The following PSMB6 variants were observed in gnomAD, a reference collection of about 807,000 sequenced individuals.
The protein encoded by PSMB6 is proteasome subunit beta type-6.
PSMB6 carries 11 observed loss-of-function variants against 28.2 expected under a neutral mutation model. That is an observed-to-expected ratio of 0.39 (90% CI 0.25 to 0.65). The LOEUF (loss-of-function observed/expected upper bound fraction) is 0.65. Ranked by LOEUF, PSMB6 falls within the 30% of genes least tolerant of loss-of-function variation. The probability of loss-of-function intolerance (pLI) is 0.48; values close to 1 mark genes in which losing one functional copy is unlikely to be tolerated. For missense variants in PSMB6, 268 were observed against 319.4 expected, an observed-to-expected ratio of 0.84 and a Z score of 1.23; for synonymous variants, 126 against 117.7, an observed-to-expected ratio of 1.07 and a Z score of -0.45.
In PSMB6 at chr17:4,796,264, C is replaced by G; in HGVS notation, c.70C>G (p.Pro24Ala). The change falls in exon 1 of 6, where the codon CCA (proline) becomes GCA (alanine). Residue 24 changes from proline to alanine, a missense_variant. Pro to Ala is a conservative substitution (Grantham distance 27). Transcript: ENST00000270586. ...GGCTTGGGGGCCGGAGGCGTTCACT[C>G]CAGACTGGGAAAGCCGAGAAGTTTC... ...APAWGPEAFTPDWESREVSTG... is the reference protein window; with the variant it reads ...APAWGPEAFTADWESREVSTG... The G allele has an allele frequency of 6.3e-7, 1 of 1,586,656 alleles. No homozygotes were observed. Among genetic ancestry groups the G allele is most frequent in the Non-Finnish European group, 8.6e-7 (1 of 1,166,374 alleles).
chr17:4,796,222 G>A lies in PSMB6; in HGVS notation c.28G>A (p.Gly10Arg). 1 of 1,593,032 alleles carries A rather than the reference G, an allele frequency of 6.3e-7. No homozygotes were observed. The change falls in exon 1 of 6, where the codon GGA becomes AGA. Residue 10 changes from glycine to arginine, a missense_variant. Transcript: ENST00000270586. ...GGCGGCTACCTTACTAGCTGCTCGGGGAGCCGGGCCAGCACCGGCTTGGGG... is the reference window on the plus strand; with the variant it reads ...GGCGGCTACCTTACTAGCTGCTCGGAGAGCCGGGCCAGCACCGGCTTGGGG... MAATLLAARGAGPAPAWGPE... is the reference protein window; with the variant it reads MAATLLAARRAGPAPAWGPE...
rs1306845904 is a variant in PSMB6 at position 4,796,164 on chromosome 17, A to T, written c.-31A>T. ...AGAGCGTGACAGAGCGCTTTACGAC[A>T]GTTGCTTTGAGGCAGTACCGGAGGA... On this transcript the variant is annotated 5_prime_UTR_variant, in exon 1 of 6. Transcript: ENST00000270586. 3 of 1,547,788 alleles carry T rather than the reference A, an allele frequency of 1.9e-6. No individual in the cohort carries two copies.
rs1174913831 is a variant in PSMB6 at position 4,798,434 on chromosome 17, C to CT, written c.*13dup. 1.2e-6 allele frequency: 2 copies of CT among 1,613,294 alleles called. No homozygotes were observed. Among genetic ancestry groups the CT allele is most frequent in the African/African-American group, 2.7e-5 (2 of 74,872 alleles). On this transcript the variant is annotated 3_prime_UTR_variant, in exon 6 of 6. Coordinates refer to ENST00000270586, the MANE Select transcript of PSMB6 (RefSeq NM_002798.3). Reference sequence around the variant, plus strand: ...TACCACCCGCCTGAATCCTGGGATTCTAGTATGCAATAAGAGATGCCCTGT... The same window carrying CT: ...TACCACCCGCCTGAATCCTGGGATTCTTAGTATGCAATAAGAGATGCCCTGT...
At chr17:4,797,605 G>A (rs1415825154) in intron 3 of PSMB6, 36 bp downstream of exon 3, 8 of 1,596,606 alleles carry the variant, frequency 5.0e-6, no homozygotes, top group Middle Eastern at 1.7e-4. Context: ...GTATCTGAAG[G>A]GAGTTGGAAG....
intron 4 of PSMB6, 47 bp from the exon 5 acceptor site, chr17:4,797,962 G>T (rs1905395003): frequency 1.2e-6 from 2 of 1,611,990 alleles, no homozygotes; most frequent in Non-Finnish European, 1.7e-6. Flanking sequence ...ATGTACGTGT[G>T]TTGGAGGGAG....
Position 4,796,790 on chromosome 17 carries a change from C to T in PSMB6, c.165C>T (p.Thr55=). The part of the protein sequence containing the change: ...GVVLGADSRT[T]TGSYIANRVT... ...TTCTGGGGGCGGACTCCAGAACAACCACTGGGTGAGCTCAGGACAGATTTG... is the reference window on the plus strand; with the variant it reads ...TTCTGGGGGCGGACTCCAGAACAACTACTGGGTGAGCTCAGGACAGATTTG... The change falls in exon 2 of 6, where the codon ACC becomes ACT. Residue 55 remains threonine (T), a synonymous_variant. Transcript: ENST00000270586. The T allele has an allele frequency of 6.3e-7, 1 of 1,598,074 alleles. No individual in the cohort carries two copies. Among genetic ancestry groups the T allele is most frequent in the Non-Finnish European group, 8.6e-7 (1 of 1,165,482 alleles).
At chr17:4,797,917 A>C in intron 4 of PSMB6, 92 bp from the exon 5 acceptor site, 1 of 1,602,324 alleles carries the variant, frequency 6.2e-7, no homozygotes, top group South Asian at 1.1e-5. Context: ...CTTACTATTA[A>C]CGTGCCTCAG....
In PSMB6 at chr17:4,796,706, ACTC is replaced by A. The variant is rs1905339623; in HGVS notation, c.103-19_103-17del. 6.4e-7 allele frequency: 1 copy of A among 1,562,864 alleles called. No individual in the cohort carries two copies. The highest frequency in any genetic ancestry group is 1.4e-5 in the African/African-American group (1 of 73,308). On this transcript the variant is annotated intron_variant, in intron 1 of 5. Transcript: ENST00000270586. ...TGTGTCTGCTGGAGAATGTAGACTT[ACTC>A]CTTTTTCCCTTTTCCCAGACCACTA...
chr17:4,798,028 G>A lies in PSMB6; in HGVS notation c.452G>A (p.Gly151Glu). The change falls in exon 5 of 6, where the codon GGG becomes GAG. Residue 151 changes from glycine to glutamate, a missense_variant. Physicochemically the swap from Gly to Glu is moderately conservative, Grantham distance 98. Transcript: ENST00000270586. ...TGGCAGGTGTACTCAGTGCCTATGG[G>A]GGGTATGATGGTAAGGCAGTCCTTT... ...EGGQVYSVPM[G>E]GMMVRQSFAI... The A allele has an allele frequency of 1.2e-6, 2 of 1,614,164 alleles. No individual in the cohort carries two copies. The highest frequency in any genetic ancestry group is 1.7e-6 in the Non-Finnish European group (2 of 1,180,022).
chr17:4,796,677 G>C (rs755710863), intron 1 of PSMB6, 51 bp from the exon 2 acceptor site: 1 of 1,473,028 alleles, frequency 6.8e-7, no homozygotes, highest in South Asian at 1.1e-5. Flanking sequence ...AGATCATTGA[G>C]GTTTGTGTCT....
chr17:4,798,126 G>C lies in PSMB6; in HGVS notation c.550G>C (p.Glu184Gln). ...DATYREGMTK[E>Q]ECLQFTANAL... ...TACCTACCGGGAAGGCATGACCAAG[G>C]AAGAGTGTCTGCAATTCACTGCCAA... The change falls in exon 5 of 6, where the codon GAA (glutamate) becomes CAA (glutamine). Residue 184 changes from glutamate (E) to glutamine (Q), a missense_variant. Physicochemically the swap from Glu to Gln is conservative, Grantham distance 29. Coordinates refer to ENST00000270586, the MANE Select transcript of PSMB6 (RefSeq NM_002798.3). The C allele has an allele frequency of 6.2e-7, 1 of 1,614,198 alleles. No individual in the cohort carries two copies.
chr17:4,797,443 A>G lies in PSMB6; in HGVS notation c.176A>G (p.Tyr59Cys). 6.4e-7 allele frequency: 1 copy of G among 1,565,156 alleles called. No homozygotes were observed. Among genetic ancestry groups the G allele is most frequent in the Non-Finnish European group, 8.7e-7 (1 of 1,152,678 alleles). The change falls in exon 3 of 6, where the codon TAC becomes TGC. Residue 59 changes from tyrosine to cysteine, a missense_variant. Transcript: ENST00000270586. ...GADSRTTTGS[Y>C]IANRVTDKLT... is the part of the protein sequence containing the mutation. ...ACTATTCTGCCATCCTGCAGGTCCT[A>G]CATCGCCAATCGAGTGACTGACAAG... is the stretch of plus-strand genomic sequence containing the variant.
At chr17:4,797,604 G>A in intron 3 of PSMB6, 35 bp downstream of exon 3, 1 of 1,596,882 alleles carries the variant, frequency 6.3e-7, no homozygotes, top group Non-Finnish European at 8.6e-7. Flanking sequence ...AGTATCTGAA[G>A]GGAGTTGGAA....
chr17:4,797,306 C>A, intron 2 of PSMB6, 132 bp from the exon 3 acceptor site: 1 of 1,157,718 alleles, frequency 8.6e-7, no homozygotes, highest in Non-Finnish European at 1.2e-6. Context: ...CAGAGCGAGA[C>A]TCCATCTCAA....
At chr17:4,797,087 G>A in intron 2 of PSMB6, 1 of 438,502 alleles carries the variant, frequency 2.3e-6, no homozygotes. Flanking sequence ...GCCGAGGCGG[G>A]TGGATCACCT....
At chr17:4,797,259 G>C in intron 2 of PSMB6, 179 bp from the exon 3 acceptor site, 1 of 719,418 alleles carries the variant, frequency 1.4e-6, no homozygotes, top group Non-Finnish European at 2.2e-6. Context: ...ATGTTGCAGT[G>C]AGCAGAGATC....
rs1378271173 is a variant in PSMB6, at chr17:4,798,386, AC to A, written c.687del (p.Lys230AsnfsTer19). 1 of 1,614,196 alleles carries A rather than the reference AC, an allele frequency of 6.2e-7. No individual in the cohort carries two copies. The highest frequency in any genetic ancestry group is 8.5e-7 in the Non-Finnish European group (1 of 1,180,032). ...GGCAAGTACTTTTGGGAGACCAGAT[AC>A]CCAAATTCGCCGTTGCCACTTTACC... ...ERQVLLGDQI[P>X]KFAVATLPPA is the part of the protein sequence containing the mutation. On this transcript the variant is annotated frameshift_variant, in exon 6 of 6. Coordinates refer to ENST00000270586, the MANE Select transcript of PSMB6 (RefSeq NM_002798.3). LOFTEE classifies it high-confidence loss of function.
At chr17:4,797,185 C>T in intron 2 of PSMB6, 1 of 485,346 alleles carries the variant, frequency 2.1e-6, no homozygotes. Flanking sequence ...CGTGGCGGTG[C>T]GTGCCTGCAG....
At chr17:4,796,387 G>T in intron 1 of PSMB6, 91 bp downstream of exon 1, 2 of 1,057,300 alleles carry the variant, frequency 1.9e-6, no homozygotes, top group Non-Finnish European at 2.8e-6. Context: ...TCTGGCAGGG[G>T]TGGAGAGGAG....
Sources: gnomAD v4.1 joint callset for allele counts on GRCh38, gnomAD v4.1.1 for gene constraint, MANE v1.5 for transcripts, NCBI Gene and HGNC (gene_info 2026-07-23, HGNC 2026-07-21) for gene names.